Variants in GNMT observed in about 807,000 individuals in gnomAD.
The protein encoded by GNMT is epididymis secretory sperm binding protein Li 182mP.
GNMT carries 26 observed loss-of-function variants against 30.2 expected under a neutral mutation model. That is an observed-to-expected ratio of 0.86 (90% CI 0.63 to 1.19). GNMT has a LOEUF of 1.19. GNMT is among the 50% of genes most tolerant of loss of function. GNMT has a pLI of 0.00. For synonymous variants in GNMT, 163 were observed against 163.8 expected, an observed-to-expected ratio of 1.00 and a Z score of 0.04; for missense variants, 365 against 398.1, an observed-to-expected ratio of 0.92 and a Z score of 0.71.
At position 42,962,822 on chromosome 6, in the gene GNMT, G is replaced by A; in HGVS notation, c.395G>A (p.Gly132Asp). Reference protein sequence around the residue: ...DKDVPQSAEGGFDAVICLGNS... With the variant: ...DKDVPQSAEGDFDAVICLGNS... ...GATGTGCCCCAGTCAGCAGAGGGTG[G>A]CTTTGATGCTGTCATCTGCCTTGGA... Residue 132 changes from glycine (G) to aspartate (D), a missense_variant, in exon 3 of 6, where the codon GGC becomes GAC. Physicochemically the swap from Gly to Asp is moderately conservative, Grantham distance 94 (BLOSUM62 -1). Coordinates refer to ENST00000372808, the MANE Select transcript of GNMT (RefSeq NM_018960.6). 3 of 1,614,216 alleles carry A rather than the reference G, an allele frequency of 1.9e-6. No homozygotes were observed. The South Asian group carries it at 3.3e-5, about 18-fold the overall frequency.
chr6:42,962,985 C>A, intron 3 of GNMT, 87 bp from the exon 4 acceptor site: 1 of 1,595,340 alleles, frequency 6.3e-7, no homozygotes, highest in Non-Finnish European at 8.6e-7. Context: ...TTGGCTCTGG[C>A]ACCCCTGGGG....
chr6:42,961,919 C>A (rs1024526106), intron 1 of GNMT, among the ~76,000 whole-genome samples: 2 of 152,132 alleles, frequency 1.3e-5, no homozygotes, highest in Non-Finnish European at 1.5e-5. Flanking sequence ...CTTCAAGGAG[C>A]CTCAGCTTGT....
Position 42,963,098 on chromosome 6 carries a change from C to G in GNMT, c.478C>G (p.Leu160Val). Residue 160 changes from leucine to valine, a missense_variant, in exon 4 of 6, where the codon CTG (leucine) becomes GTG (valine). Leu to Val is a conservative substitution (Grantham distance 32). Transcript: ENST00000372808. Reference protein sequence around the residue: ...KGDQSEHRLALKNIASMVRAG... With the variant: ...KGDQSEHRLAVKNIASMVRAG... ...GGACCAGAGTGAGCACCGGCTGGCG[C>G]TGAAAAACATTGCGAGCATGGTGCG... The G allele has an allele frequency of 3.7e-6, 6 of 1,612,500 alleles. No homozygotes were observed. The highest frequency in any genetic ancestry group is 1.9e-4 in the Middle Eastern group (1 of 5,314).
rs767944079 is a variant in GNMT, at chr6:42,963,299, G to T, written c.595-29G>T. On this transcript the variant is annotated intron_variant, in intron 4 of 5. Transcript: ENST00000372808. ...AGTGGCCCCAAGGTGGGTTACAGAG[G>T]CTAATGCCGGCTGCCCCACCACCTA... The T allele has an allele frequency of 8.8e-6, 14 of 1,591,598 alleles. No individual in the cohort carries two copies. In the South Asian group the frequency reaches 1.6e-4, roughly 18 times the overall value.
chr6:42,962,894 G>C lies in GNMT; in HGVS notation c.451+16G>C, dbSNP rs749841166. 1.9e-6 allele frequency: 3 copies of C among 1,604,656 alleles called. 1 individual carries two copies. In the South Asian group the frequency reaches 3.3e-5, roughly 18 times the overall value. ...GACTGCAAAGGTAAGAGAGGGTGTG[G>C]CCTTGGGCATGGCCCCCGCCTTGAG... On this transcript the variant is annotated intron_variant, in intron 3 of 5. Coordinates refer to ENST00000372808, the MANE Select transcript of GNMT (RefSeq NM_018960.6).
Position 42,960,925 on chromosome 6 carries a change from T to C in GNMT, c.158T>C (p.Leu53Pro). ...TACAAGGCATGGCTGCTTGGGCTGC[T>C]GCGCCAGCACGGCTGCCAGCGGGTG... ...AEYKAWLLGL[L>P]RQHGCQRVLD... The change falls in exon 1 of 6, where the codon CTG (leucine) becomes CCG (proline). Residue 53 changes from leucine to proline, a missense_variant. By Grantham distance (98) the Leu-to-Pro change is moderately conservative. Coordinates refer to ENST00000372808, the MANE Select transcript of GNMT (RefSeq NM_018960.6). 6.4e-7 allele frequency: 1 copy of C among 1,564,888 alleles called. No homozygotes were observed.
intron 2 of GNMT, 109 bp downstream of exon 2, chr6:42,962,448 G>T: frequency 8.3e-7 from 1 of 1,210,800 alleles, no homozygotes; most frequent in Non-Finnish European, 1.2e-6. Flanking sequence ...TTTTCCTCGG[G>T]GAGACAGAAA....
At chr6:42,962,413 GT>G in intron 2 of GNMT, 74 bp downstream of exon 2, 2 of 1,505,126 alleles carry the variant, frequency 1.3e-6, no homozygotes, top group Non-Finnish European at 1.8e-6. Context: ...GCTCCTTTAA[GT>G]GGGGGCGGGG....
rs1177462399 is a variant in GNMT at position 42,963,783 on chromosome 6, C to G, written c.*77C>G. The G allele has an allele frequency of 2.9e-6, 4 of 1,399,820 alleles. No individual in the cohort carries two copies. In the East Asian group the frequency reaches 9.2e-5, roughly 32 times the overall value. 86.7% of individuals were successfully genotyped at this position (1,399,820 alleles called of 1,614,324 possible). ...TGGAAGATGGGGACCAGCAGCCCCA[C>G]ACCAGGGCCAGCCTCTAGAGCAGAC... On this transcript the variant is annotated 3_prime_UTR_variant, in exon 6 of 6. Transcript: ENST00000372808.
At chr6:42,962,005 T>C (rs1013502811) in intron 1 of GNMT, among the ~76,000 whole-genome samples, 4 of 152,180 alleles carry the variant, frequency 2.6e-5, no homozygotes, top group Admixed American at 6.6e-5. Flanking sequence ...GTAGAGTGCC[T>C]GGCTCTGAAG....
intron 2 of GNMT, 147 bp downstream of exon 2, chr6:42,962,486 G>A: frequency 5.4e-6 from 5 of 919,486 alleles, no homozygotes; most frequent in East Asian, 2.5e-5. Flanking sequence ...TGAAAAGCAA[G>A]TCTTAAGCTC....
chr6:42,962,879 G>C lies in GNMT; in HGVS notation c.451+1G>C, dbSNP rs1450919936. ...TTCGCTCACTTGCCAGACTGCAAAG[G>C]TAAGAGAGGGTGTGGCCTTGGGCAT... On this transcript the variant is annotated splice_donor_variant, in intron 3 of 5. Coordinates refer to ENST00000372808, the MANE Select transcript of GNMT (RefSeq NM_018960.6). LOFTEE classifies it high-confidence loss of function. The C allele has an allele frequency of 1.9e-6, 3 of 1,611,036 alleles. No individual in the cohort carries two copies. The East Asian group carries it at 6.7e-5, about 36-fold the overall frequency.
Position 42,960,787 on chromosome 6 carries a change from G to C in GNMT, c.20G>C (p.Arg7Pro). 6 of 1,547,688 alleles carry C rather than the reference G, an allele frequency of 3.9e-6. No homozygotes were observed. Among genetic ancestry groups the C allele is most frequent in the East Asian group, 2.4e-5 (1 of 41,532 alleles). Reference sequence around the variant, plus strand: ...CGCAGGATGGTGGACAGCGTGTACCGGACCCGCTCCCTGGGGGTGGCGGCC... The same window carrying C: ...CGCAGGATGGTGGACAGCGTGTACCCGACCCGCTCCCTGGGGGTGGCGGCC... Reference protein sequence around the residue: MVDSVYRTRSLGVAAEG... With the variant: MVDSVYPTRSLGVAAEG... The change falls in exon 1 of 6, where the codon CGG becomes CCG. Residue 7 changes from arginine to proline, a missense_variant. By Grantham distance (103) the Arg-to-Pro change is moderately radical. This residue lies in a region of GNMT where 125 missense variants were observed against 112.0 expected (regional missense o/e 1.12). Transcript: ENST00000372808.
intron 1 of GNMT, among the ~76,000 whole-genome samples, 172 bp downstream of exon 1, chr6:42,961,145 C>G (rs928905549): frequency 6.6e-6 from 1 of 152,162 alleles, no homozygotes; most frequent in Non-Finnish European, 1.5e-5. Context: ...ACAGGCACTG[C>G]GAGTGCCCCG....
chr6:42,960,986 C>T lies in GNMT; in HGVS notation c.206+13C>T. The T allele has an allele frequency of 6.5e-7, 1 of 1,536,576 alleles. No individual in the cohort carries two copies. Among genetic ancestry groups the T allele is most frequent in the Non-Finnish European group, 8.7e-7 (1 of 1,145,396 alleles). On this transcript the variant is annotated intron_variant, in intron 1 of 5. Coordinates refer to ENST00000372808, the MANE Select transcript of GNMT (RefSeq NM_018960.6). ...CCTGTGGCACTGGGTGAGCCCAGGC[C>T]GGGGCCGGGGGCGTTGCATGAGATC...
At chr6:42,963,291 T>A in intron 4 of GNMT, 37 bp from the exon 5 acceptor site, 2 of 1,581,514 alleles carry the variant, frequency 1.3e-6, no homozygotes, top group Non-Finnish European at 1.7e-6. Flanking sequence ...CCAAGGTGGG[T>A]TACAGAGGCT....
At chr6:42,962,464 C>T in intron 2 of GNMT, 125 bp downstream of exon 2, 1 of 1,041,444 alleles carries the variant, frequency 9.6e-7, no homozygotes, top group Non-Finnish European at 1.4e-6. Flanking sequence ...AGAAAAATTA[C>T]TGTCATTTCT....
rs1769455327 is a variant in GNMT, at chr6:42,962,432, G to A, written c.334+93G>A. 4 of 1,382,770 alleles carry A rather than the reference G, an allele frequency of 2.9e-6. No homozygotes were observed. In the South Asian group the frequency reaches 4.8e-5, roughly 17 times the overall value. 85.7% of individuals were successfully genotyped at this position (1,382,770 alleles called of 1,614,324 possible). ...CTTTAAGTGGGGGCGGGGGTGGAGT[G>A]TTGTGTTTTCCTCGGGGAGACAGAA... On this transcript the variant is annotated intron_variant, in intron 2 of 5. Transcript: ENST00000372808.
rs142634786 is a variant in GNMT, at chr6:42,963,348, C to A, written c.615C>A (p.Val205=). 8.3e-5 allele frequency: 134 copies of A among 1,612,284 alleles called. No individual in the cohort carries two copies. Among genetic ancestry groups the A allele is most frequent in the Non-Finnish European group, 1.1e-4 (131 of 1,179,268 alleles). ...TACAGAGTGACTTGACCAAGGACGT[C>A]ACAACATCAGTGCTGATAGTGAACA... The part of the protein sequence containing the change: ...IYYKSDLTKD[V]TTSVLIVNNK... The change falls in exon 5 of 6, where the codon GTC becomes GTA. Residue 205 remains valine (V), a synonymous_variant. Coordinates refer to ENST00000372808, the MANE Select transcript of GNMT (RefSeq NM_018960.6).
Sources: gnomAD v4.1 joint callset for allele counts (sites outside exome capture counted in the v4.1 genomes callset) on GRCh38, gnomAD v4.1.1 for gene constraint, gnomAD v4.1.1 regional missense constraint, MANE v1.5 for transcripts, NCBI Gene and HGNC (gene_info 2026-07-23, HGNC 2026-07-21) for gene names.